The following FRMD1 variants were observed in gnomAD, a reference collection of about 807,000 sequenced individuals.
The protein encoded by FRMD1 is FERM domain containing 1, also known as FERM domain-containing protein 1.
FRMD1 carries 51 observed loss-of-function variants against 54.9 expected under a neutral mutation model. The ratio of observed to expected loss-of-function variants is 0.93; its 90% CI spans 0.74 to 1.17. The LOEUF (loss-of-function observed/expected upper bound fraction) is 1.17, where lower values mean the gene tolerates loss of function less well. FRMD1 is among the 50% of genes most tolerant of loss of function. The pLI, the probability that FRMD1 is intolerant of heterozygous loss-of-function variation, is 0.00. For synonymous variants in FRMD1, 324 were observed against 306.4 expected, an observed-to-expected ratio of 1.06 and a Z score of -0.60; for missense variants, 729 against 743.0, an observed-to-expected ratio of 0.98 and a Z score of 0.22.
In FRMD1 at chr6:168,056,037, G is replaced by T; in HGVS notation, c.*1060C>A. The T allele has an allele frequency of 6.6e-6, 1 of 152,448 alleles. No homozygotes were observed. The highest frequency in any genetic ancestry group is 1.5e-5 in the Non-Finnish European group (1 of 68,106). 9.4% of individuals were successfully genotyped at this position (152,448 alleles called of 1,614,324 possible). A position where few individuals can be genotyped will look rare whatever the true frequency, so the allele number is the denominator to read the frequency against. ...AGGGGGCAGTGGTGTTCAGGGCACA[G>T]GGCTGAACGATTGTGGCCTCTCAGT... is the stretch of plus-strand genomic sequence containing the variant. On this transcript the variant is annotated 3_prime_UTR_variant, in exon 11 of 11. Transcript: ENST00000283309.
chr6:168,075,615 A>T lies in FRMD1; in HGVS notation c.214-280T>A. On this transcript the variant is annotated intron_variant, in intron 1 of 10. Transcript: ENST00000283309. ...ATCCCTGTCTGTCTCTGGTGTGAGG[A>T]TTTCCCGAGACCAGTCAGGGACACA... The T allele has an allele frequency of 3.7e-6, 3 of 808,242 alleles. No individual in the cohort carries two copies. The Admixed American group carries it at 6.0e-5, about 16-fold the overall frequency. 50.1% of individuals were successfully genotyped at this position (808,242 alleles called of 1,614,324 possible).
chr6:168,066,865 C>A, intron 3 of FRMD1, 34 bp from the exon 4 acceptor site: 1 of 1,607,256 alleles, frequency 6.2e-7, no homozygotes, highest in South Asian at 1.1e-5. Flanking sequence ...AGCAAGTGAG[C>A]CGCAGGGAGG....
rs1248175959 is a variant in FRMD1, at chr6:168,056,975, G to T, written c.*122C>A. 2 of 1,195,596 alleles carry T rather than the reference G, an allele frequency of 1.7e-6. No individual in the cohort carries two copies. Among genetic ancestry groups the T allele is most frequent in the Admixed American group, 6.6e-5 (2 of 30,244 alleles). 74.1% of individuals were successfully genotyped at this position (1,195,596 alleles called of 1,614,324 possible). A position where few individuals can be genotyped will look rare whatever the true frequency, so the allele number is the denominator to read the frequency against. ...CACCTCTTACAGGTGAACCTGTGGA[G>T]CGTGCTGGCTGCGGAAGTGCAGGCA... On this transcript the variant is annotated 3_prime_UTR_variant, in exon 11 of 11. Transcript: ENST00000283309.
At position 168,054,550 on chromosome 6, in the gene FRMD1, G is replaced by C. The variant is rs9364218; in HGVS notation, c.*2547C>G. ...CCCCCTGTACACAGCGGCTTCTGCT[G>C]TTTGCAGGCCACCCCCAGCCCTGCC... On this transcript the variant is annotated 3_prime_UTR_variant, in exon 11 of 11. Transcript: ENST00000283309. 2 of 148,064 alleles carry C rather than the reference G, an allele frequency of 1.4e-5. No individual in the cohort carries two copies. The highest frequency in any genetic ancestry group is 3.0e-5 in the Non-Finnish European group (2 of 67,414). The allele number at this position is 148,064 out of a possible 1,614,324, so 9.2% of individuals were successfully genotyped here.
In FRMD1 at chr6:168,059,660, G is replaced by A. The variant is rs750534565; in HGVS notation, c.1343-472C>T. The stretch of plus-strand genomic sequence containing the variant: ...CCCACCTGATCTCATCACATCCACC[G>A]TCAGGGCCGTGGGGACACTCAGAGA... On this transcript the variant is annotated intron_variant, in intron 9 of 10. Coordinates refer to ENST00000283309, the MANE Select transcript of FRMD1 (RefSeq NM_024919.6). This position sits in a 1 kb window ranked among gnomAD's most constrained non-coding sequence, Gnocchi z 4.4. Among the ~76,000 whole-genome samples, 7 of 152,128 alleles carry A rather than the reference G, an allele frequency of 4.6e-5. No homozygotes were observed. The highest frequency in any genetic ancestry group is 1.0e-4 in the Non-Finnish European group (7 of 68,020).
At chr6:168,074,976 AAGT>A (rs1800512392) in intron 2 of FRMD1, among the ~76,000 whole-genome samples, 1 of 144,106 alleles carries the variant, frequency 6.9e-6, no homozygotes, top group Non-Finnish European at 1.5e-5. Flanking sequence ...GTACACGTGC[AAGT>A]GGTGTGTAAC....
chr6:168,066,975 C>A, intron 3 of FRMD1, 144 bp from the exon 4 acceptor site: 3 of 1,041,454 alleles, frequency 2.9e-6, no homozygotes, highest in East Asian at 2.6e-5. Context: ...GCTGACAATT[C>A]GACTCATGGT....
chr6:168,087,859 C>T (rs996538582), intron 1 of FRMD1, among the ~76,000 whole-genome samples: 1 of 152,136 alleles, frequency 6.6e-6, no homozygotes, highest in African/African-American at 2.4e-5. Context: ...CGGAGACCCC[C>T]GGACCCTCAC....
intron 1 of FRMD1, among the ~76,000 whole-genome samples, chr6:168,091,217 C>G (rs542180385): frequency 2.9e-4 from 44 of 152,324 alleles, no homozygotes; most frequent in African/African-American, 1.0e-3. Context: ...AATAAAAGGC[C>G]AAGGAGCCCC....
Position 168,065,017 on chromosome 6 carries a change from C to T in FRMD1, c.502G>A (p.Glu168Lys), listed in dbSNP as rs763754306. The part of the protein sequence containing the change: ...ARHLYYCHLK[E>K]RVLRSQCAHR... ...GCGCACTGTGACCTCAGCACGCGCT[C>T]CTTCAAGTGGCAGTAGTACAGGTGC... The change falls in exon 5 of 11, where the codon GAG becomes AAG. Residue 168 changes from glutamate to lysine, a missense_variant. By Grantham distance (56) the Glu-to-Lys change is moderately conservative (BLOSUM62 1). Transcript: ENST00000283309. 5 of 1,611,274 alleles carry T rather than the reference C, an allele frequency of 3.1e-6. No individual in the cohort carries two copies. The highest frequency in any genetic ancestry group is 3.3e-5 in the Admixed American group (2 of 60,000).
intron 1 of FRMD1, among the ~76,000 whole-genome samples, chr6:168,077,283 G>T (rs1432570957): frequency 1.3e-5 from 2 of 150,210 alleles, no homozygotes; most frequent in Non-Finnish European, 1.5e-5. Flanking sequence ...CACTCCGATG[G>T]GGGGGGGTTC....
rs372361758 is a variant in FRMD1 at position 168,079,107 on chromosome 6, C to T, written c.-13G>A. On this transcript the variant is annotated 5_prime_UTR_variant, in exon 1 of 11. Coordinates refer to ENST00000283309, the MANE Select transcript of FRMD1 (RefSeq NM_024919.6). ...GGGGCACCGCCATGCTGTCGTTACT[C>T]GGCCCTCCCCCGCCATGGGTCGCAG... 15 of 1,582,116 alleles carry T rather than the reference C, an allele frequency of 9.5e-6. No homozygotes were observed. The highest frequency in any genetic ancestry group is 4.5e-5 in the East Asian group (2 of 44,476).
rs144438714 is a variant in FRMD1 at position 168,061,849 on chromosome 6, G to A, written c.1003C>T (p.Arg335Trp). 236 of 1,574,698 alleles carry A rather than the reference G, an allele frequency of 1.5e-4. No homozygotes were observed. Among genetic ancestry groups the A allele is most frequent in the South Asian group, 5.7e-4 (49 of 85,902 alleles). ...TGCCGCAGCTGTTGCAGAGTGGGCC[G>A]CACGCGGAGGTGGAGCTGGTGGCTG... ...RASHQLHLRV[R>W]PTLQQLRQRE... The change falls in exon 8 of 11, where the codon CGG becomes TGG. Residue 335 changes from arginine to tryptophan, a missense_variant. Physicochemically the swap from Arg to Trp is moderately radical, Grantham distance 101. Transcript: ENST00000283309.
chr6:168,075,432 G>A (rs2115010603), intron 1 of FRMD1, 97 bp from the exon 2 acceptor site: 1 of 932,390 alleles, frequency 1.1e-6, no homozygotes. Flanking sequence ...CCAGGTGGAC[G>A]ACCCAGTCAG....
chr6:168,080,115 G>A (rs1432376331), upstream of FRMD1, among the ~76,000 whole-genome samples: 1 of 152,180 alleles, frequency 6.6e-6, no homozygotes, highest in Non-Finnish European at 1.5e-5. Flanking sequence ...ACGGGCCGTT[G>A]TTCATCTTAG....
At chr6:168,065,390 G>A (rs572641284) in intron 4 of FRMD1, 174 of 1,078,902 alleles carry the variant, frequency 1.6e-4, no homozygotes, top group Middle Eastern at 4.1e-4. Flanking sequence ...CGGGCGACTC[G>A]AATCCCTGGA....
chr6:168,061,648 C>T (rs745446208), intron 8 of FRMD1, among the ~76,000 whole-genome samples, 159 bp downstream of exon 8: 26 of 152,246 alleles, frequency 1.7e-4, no homozygotes, highest in Non-Finnish European at 3.1e-4. Context: ...CTGGGGGCCA[C>T]CACTTCGCCC....
intron 7 of FRMD1, among the ~76,000 whole-genome samples, chr6:168,062,283 C>T (rs781006154): frequency 8.5e-5 from 13 of 152,210 alleles, no homozygotes; most frequent in South Asian, 8.3e-4. Flanking sequence ...GTCCAGCAGC[C>T]CCCACAGTCA....
chr6:168,091,091 A>G (rs930815306), intron 1 of FRMD1, among the ~76,000 whole-genome samples: 3 of 152,232 alleles, frequency 2.0e-5, no homozygotes, highest in Non-Finnish European at 4.4e-5. Context: ...GAAAATGATC[A>G]TGAATGTGAA....
Sources: gnomAD v4.1 joint callset for allele counts (sites outside exome capture counted in the v4.1 genomes callset) on GRCh38, gnomAD v4.1.1 for gene constraint, Gnocchi (gnomAD v3.1) non-coding constraint, MANE v1.5 for transcripts, NCBI Gene and HGNC (gene_info 2026-07-23, HGNC 2026-07-21) for gene names.